Variants in CAPN13 observed in about 807,000 individuals in gnomAD.
CAPN13 encodes calpain 13.
Under a neutral mutation model 98.4 loss-of-function variants are expected in CAPN13, and 90 were observed. The observed-to-expected ratio is 0.92, with a 90% confidence interval of 0.77 to 1.09. The LOEUF (loss-of-function observed/expected upper bound fraction) is 1.09, where lower values mean the gene tolerates loss of function less well. CAPN13 is among the 50% of genes least tolerant of loss of function. CAPN13 has a pLI of 0.00. For synonymous variants in CAPN13, 330 were observed against 305.5 expected, an observed-to-expected ratio of 1.08 and a Z score of -0.84; for missense variants, 887 against 841.3, an observed-to-expected ratio of 1.05 and a Z score of -0.67.
chr2:30,765,693 G>C (rs1188352931), intron 5 of CAPN13, among the ~76,000 whole-genome samples: 1 of 152,200 alleles, frequency 6.6e-6, no homozygotes, highest in Non-Finnish European at 1.5e-5. Context: ...AATTCCAGTA[G>C]ATTCACTTCA....
At chr2:30,726,200 G>A (rs1321053039) in intron 22 of CAPN13, among the ~76,000 whole-genome samples, 1 of 152,186 alleles carries the variant, frequency 6.6e-6, no homozygotes. Flanking sequence ...GTAATGAAAA[G>A]TGTGTTAACT....
chr2:30,746,596 T>C (rs2280402), intron 11 of CAPN13: 11,482 of 198,076 alleles, frequency 0.058, 694 homozygotes, highest in African/African-American at 0.16. Context: ...TCCCCATGCT[T>C]GTGGATAGAT....
At chr2:30,771,591 G>GACTCTCA (rs1673415606) in intron 4 of CAPN13, among the ~76,000 whole-genome samples, 1 of 152,236 alleles carries the variant, frequency 6.6e-6, no homozygotes, top group African/African-American at 2.4e-5. Context: ...AGGCAACAGG[G>GACTCTCA]ATGGTTTTAG....
intron 10 of CAPN13, 108 bp from the exon 11 acceptor site, chr2:30,751,359 T>A (rs1244925359): frequency 8.2e-7 from 1 of 1,218,600 alleles, no homozygotes; most frequent in Non-Finnish European, 1.1e-6. Flanking sequence ...GAACTCTGGA[T>A]TGGAGACCTA....
intron 4 of CAPN13, 123 bp downstream of exon 4, chr2:30,775,807 G>A (rs934925282): frequency 3.9e-6 from 2 of 506,844 alleles, no homozygotes; most frequent in Non-Finnish European, 6.8e-6. Context: ...GGTAGGGAGG[G>A]TAACTAACAC....
chr2:30,767,770 A>G (rs1023945166), intron 5 of CAPN13, among the ~76,000 whole-genome samples: 2 of 152,186 alleles, frequency 1.3e-5, no homozygotes, highest in African/African-American at 4.8e-5. Context: ...AGAGGTCTTG[A>G]GGCACCTCAC....
Position 30,730,537 on chromosome 2 carries a change from T to C in CAPN13, c.*30+193A>G, listed in dbSNP as rs1464685888. ...TTCCATAAAGGTCCATTGGTCTACA[T>C]TGTCTGCATGAAATCTGCAGCATTG... On this transcript the variant is annotated intron_variant, in intron 22 of 22. Coordinates refer to ENST00000295055, the MANE Select transcript of CAPN13 (RefSeq NM_144575.3). 5.9e-5 allele frequency among the ~76,000 whole-genome samples: 9 copies of C among 152,200 alleles called. No homozygotes were observed. The East Asian group carries it at 1.5e-3, about 26-fold the overall frequency.
At chr2:30,751,759 A>G (rs1410986249) in intron 10 of CAPN13, among the ~76,000 whole-genome samples, 1 of 152,232 alleles carries the variant, frequency 6.6e-6, no homozygotes, top group African/African-American at 2.4e-5. Context: ...ATAAGTCAAG[A>G]TAGAGATGAA....
chr2:30,773,934 T>C (rs1673539415), intron 4 of CAPN13, among the ~76,000 whole-genome samples: 1 of 152,204 alleles, frequency 6.6e-6, no homozygotes, highest in Non-Finnish European at 1.5e-5. Context: ...AAAACTGCTG[T>C]GGGCTTGGCT....
intron 1 of CAPN13, among the ~76,000 whole-genome samples, chr2:30,792,137 T>A (rs1384197452): frequency 1.3e-5 from 2 of 152,096 alleles, no homozygotes; most frequent in Non-Finnish European, 2.9e-5. Context: ...ATAAGAGAAT[T>A]AGGAAGACGT....
chr2:30,740,677 G>A (rs769206382), intron 15 of CAPN13, among the ~76,000 whole-genome samples: 1 of 152,222 alleles, frequency 6.6e-6, no homozygotes, highest in Non-Finnish European at 1.5e-5. Context: ...CCCCCTATGG[G>A]CCACCAGTCA....
chr2:30,749,827 C>G (rs1040505090), intron 11 of CAPN13, among the ~76,000 whole-genome samples: 1 of 152,152 alleles, frequency 6.6e-6, no homozygotes, highest in Non-Finnish European at 1.5e-5. Flanking sequence ...AGAACCTTCA[C>G]TTGATTTGGG....
At chr2:30,763,684 C>G (rs535078307) in intron 6 of CAPN13, among the ~76,000 whole-genome samples, 24 of 152,198 alleles carry the variant, frequency 1.6e-4, no homozygotes, top group Non-Finnish European at 2.9e-4. Flanking sequence ...ATGGGTCATG[C>G]TGCCCTTGGG....
intron 1 of CAPN13, among the ~76,000 whole-genome samples, chr2:30,792,348 C>T (rs772798416): frequency 2.6e-5 from 4 of 152,048 alleles, no homozygotes; most frequent in Non-Finnish European, 5.9e-5. Flanking sequence ...AAACATAAAT[C>T]GCCAATATTA....
chr2:30,737,939 C>G (rs1316694964), intron 17 of CAPN13: 1 of 416,038 alleles, frequency 2.4e-6, no homozygotes, highest in Non-Finnish European at 4.4e-6. Context: ...TTTTTTGTAT[C>G]AGAGGGATTG....
intron 1 of CAPN13, among the ~76,000 whole-genome samples, chr2:30,798,553 A>G (rs1405942381): frequency 1.3e-5 from 2 of 152,232 alleles, no homozygotes; most frequent in African/African-American, 2.4e-5. Flanking sequence ...TATCCCAGCA[A>G]CAAAGGGTAA....
At chr2:30,753,249 G>C (rs1299163083) in intron 9 of CAPN13, 51 bp from the exon 10 acceptor site, 6 of 1,599,076 alleles carry the variant, frequency 3.8e-6, no homozygotes, top group Non-Finnish European at 5.1e-6. Context: ...GTGTCCCCAG[G>C]GTGGGGGTTC....
At chr2:30,782,830 A>G (rs1674061102) in intron 2 of CAPN13, among the ~76,000 whole-genome samples, 1 of 152,248 alleles carries the variant, frequency 6.6e-6, no homozygotes, top group Non-Finnish European at 1.5e-5. Flanking sequence ...GTGAAGCTCT[A>G]CTGTCTACCA....
Position 30,770,220 on chromosome 2 carries a change from A to G in CAPN13, c.524+93T>C, listed in dbSNP as rs886410065. 4 of 1,516,102 alleles carry G rather than the reference A, an allele frequency of 2.6e-6. No homozygotes were observed. The African/African-American group carries it at 5.5e-5, about 21-fold the overall frequency. The allele number at this position is 1,516,102 out of a possible 1,614,324, so 93.9% of individuals were successfully genotyped here. A position where few individuals can be genotyped will look rare whatever the true frequency, so the allele number is the denominator to read the frequency against. On this transcript the variant is annotated intron_variant, in intron 5 of 22. Coordinates refer to ENST00000295055, the MANE Select transcript of CAPN13 (RefSeq NM_144575.3). Reference sequence around the variant, plus strand: ...ATGGAGATGCCCAGCCAGGTGGCAAAGGCTGCAATGCTCCAACAGGGACTG... The same window carrying G: ...ATGGAGATGCCCAGCCAGGTGGCAAGGGCTGCAATGCTCCAACAGGGACTG...
Sources: allele counts gnomAD v4.1 joint callset (sites outside exome capture counted in the v4.1 genomes callset), GRCh38; gene constraint gnomAD v4.1.1; transcripts MANE v1.5; gene names NCBI Gene and HGNC (gene_info 2026-07-23, HGNC 2026-07-21).